TRPM3: variants seen among roughly 807,000 people sequenced by gnomAD.
TRPM3 encodes long transient receptor potential channel 3.
In TRPM3, 77 loss-of-function variants were observed where a neutral mutation model predicts 181.2. That is an observed-to-expected ratio of 0.42 (90% CI 0.35 to 0.51). The LOEUF is 0.51. TRPM3 is among the 20% of genes least tolerant of loss of function. The pLI is 0.01. For synonymous variants in TRPM3, 745 were observed against 796.4 expected (o/e 0.94, Z 1.09); for missense variants, 1,759 against 2,196.7 (o/e 0.80, Z 3.98).
At chr9:70,932,220 C>T (rs2096782242) in intron 1 of TRPM3, among the ~76,000 whole-genome samples, 1 of 152,074 alleles carries the variant, frequency 6.6e-6, no homozygotes, top group Admixed American at 6.5e-5. Flanking sequence ...GCCAGCCTTC[C>T]TCTTGGAGCT....
chr9:71,309,824 T>C (rs189013955), intron 1 of TRPM3, among the ~76,000 whole-genome samples: 6 of 152,182 alleles, frequency 3.9e-5, no homozygotes, highest in Non-Finnish European at 5.9e-5. Flanking sequence ...TTGACAAAAA[T>C]CACAGAATAA....
chr9:71,347,559 T>C (rs1162059666), intron 1 of TRPM3, among the ~76,000 whole-genome samples: 1 of 152,200 alleles, frequency 6.6e-6, no homozygotes, highest in Non-Finnish European at 1.5e-5. Flanking sequence ...ATAAACATTT[T>C]GAATAGCTTA....
chr9:71,044,833 G>A (rs1472722701), intron 1 of TRPM3, among the ~76,000 whole-genome samples: 6 of 151,358 alleles, frequency 4.0e-5, no homozygotes, highest in South Asian at 2.1e-4. Context: ...CACCACGCCC[G>A]GCTAATTTTT....
At chr9:71,438,750 C>T (rs2094088803) in intron 1 of TRPM3, among the ~76,000 whole-genome samples, 1 of 152,128 alleles carries the variant, frequency 6.6e-6, no homozygotes, top group Non-Finnish European at 1.5e-5. Context: ...GACTTGCTTA[C>T]AAATAATCTA....
intron 6 of TRPM3, among the ~76,000 whole-genome samples, chr9:70,820,262 T>C (rs2093050057): frequency 6.6e-6 from 1 of 152,228 alleles, no homozygotes; most frequent in Admixed American, 6.5e-5. Context: ...CATAATGATA[T>C]GCAGCACAAT....
At chr9:70,638,219 A>C (rs901792480) in intron 11 of TRPM3, among the ~76,000 whole-genome samples, 1 of 152,092 alleles carries the variant, frequency 6.6e-6, no homozygotes, top group Non-Finnish European at 1.5e-5. Flanking sequence ...TTGGAAGCAA[A>C]AAGCAACCTT....
chr9:70,542,456 T>A (rs1462123467), intron 25 of TRPM3, among the ~76,000 whole-genome samples: 1 of 152,088 alleles, frequency 6.6e-6, no homozygotes, highest in Non-Finnish European at 1.5e-5. Context: ...AGGGACACAA[T>A]GGAGTGTTGG....
chr9:71,060,763 G>C (rs1484319659), intron 1 of TRPM3, among the ~76,000 whole-genome samples: 1 of 152,082 alleles, frequency 6.6e-6, no homozygotes. Context: ...TGAAAGCATT[G>C]AATGTATTCT....
At chr9:71,440,629 T>C (rs570431688) in intron 1 of TRPM3, among the ~76,000 whole-genome samples, 2 of 152,374 alleles carry the variant, frequency 1.3e-5, no homozygotes, top group South Asian at 2.1e-4. Flanking sequence ...AGCTAGACTT[T>C]GTATATCTCT....
At chr9:70,655,305 C>CAAAAAAAAAAAAAAAAAA (rs1169901529) in intron 9 of TRPM3, among the ~76,000 whole-genome samples, 13 of 33,182 alleles carry the variant, frequency 3.9e-4, no homozygotes, top group African/African-American at 1.0e-3. Flanking sequence ...GACTCCGTCT[C>CAAAAAAAAAAAAAAAAAA]AAAAAAAAAA....
intron 15 of TRPM3, 84 bp from the exon 16 acceptor site, chr9:70,620,449 G>T: frequency 1.4e-6 from 2 of 1,442,444 alleles, no homozygotes; most frequent in Non-Finnish European, 9.5e-7. Flanking sequence ...TCTTCTCCCA[G>T]CTAGCTCTGG....
intron 1 of TRPM3, among the ~76,000 whole-genome samples, chr9:71,303,267 G>A (rs1435653548): frequency 6.6e-6 from 1 of 152,178 alleles, no homozygotes; most frequent in African/African-American, 2.4e-5. Context: ...CTGTGAAAAG[G>A]TAAGACAAAG....
intron 1 of TRPM3, among the ~76,000 whole-genome samples, chr9:70,993,810 GAA>G: frequency 8.3e-6 from 1 of 120,164 alleles, no homozygotes; most frequent in East Asian, 2.7e-4. Context: ...AAAAAAGAAA[GAA>G]AGAAAGAAAG....
At chr9:71,137,985 G>A (rs147401162) in intron 1 of TRPM3, among the ~76,000 whole-genome samples, 1,708 of 151,904 alleles carry the variant, frequency 0.011, 17 homozygotes, top group Admixed American at 0.02. Flanking sequence ...GTGGTGGCAG[G>A]CGCCTGTAAT....
chr9:71,256,698 T>C (rs2082695613), intron 1 of TRPM3, among the ~76,000 whole-genome samples: 1 of 152,066 alleles, frequency 6.6e-6, no homozygotes, highest in Non-Finnish European at 1.5e-5. Flanking sequence ...CTAGATACAG[T>C]TTGATGGGAC....
chr9:70,536,416 C>G lies in TRPM3; in HGVS notation c.4697G>C (p.Arg1566Thr). The G allele has an allele frequency of 6.2e-7, 1 of 1,614,120 alleles. No homozygotes were observed. Residue 1566 changes from arginine (R) to threonine (T), a missense_variant, in exon 26 of 26, where the codon AGG becomes ACG. Physicochemically the swap from Arg to Thr is moderately conservative, Grantham distance 71. This residue lies in a region of TRPM3 where 612 missense variants were observed against 590.0 expected (regional missense o/e 1.04). Transcript: ENST00000677713. Reference sequence around the variant, plus strand: ...AATTGCTTGAGGGGCATTGACACACCTTGTGTCAATACAGTCTGTAATACT... The same window carrying G: ...AATTGCTTGAGGGGCATTGACACACGTTGTGTCAATACAGTCTGTAATACT... ...YTSITDCIDT[R>T]CVNAPQAIAD...
At chr9:70,752,931 GA>G (rs2076440335) in intron 8 of TRPM3, among the ~76,000 whole-genome samples, 1 of 152,084 alleles carries the variant, frequency 6.6e-6, no homozygotes, top group Non-Finnish European at 1.5e-5. Flanking sequence ...CCAACATGGT[GA>G]AACCCCATCT....
chr9:71,434,900 G>A (rs1376558987), intron 1 of TRPM3, among the ~76,000 whole-genome samples: 2 of 151,812 alleles, frequency 1.3e-5, no homozygotes, highest in East Asian at 3.9e-4. Flanking sequence ...TCAAATAACA[G>A]GAAAAAATGG....
At chr9:71,126,025 G>GA (rs1204138516), upstream of TRPM3, among the ~76,000 whole-genome samples, 3 of 152,066 alleles carry the variant, frequency 2.0e-5, no homozygotes, top group Non-Finnish European at 4.4e-5. Flanking sequence ...AAATTTATAA[G>GA]AAAAAAGCAA....
Sources: gnomAD v4.1 joint callset for allele counts (sites outside exome capture counted in the v4.1 genomes callset) on GRCh38, gnomAD v4.1.1 for gene constraint, gnomAD v4.1.1 regional missense constraint, MANE v1.5 for transcripts, NCBI Gene and HGNC (gene_info 2026-07-23, HGNC 2026-07-21) for gene names.